The following COL22A1 variants were observed in gnomAD, a reference collection of about 807,000 sequenced individuals.
COL22A1 encodes collagen type XXII alpha 1 chain, also known as collagen alpha-1(XXII) chain.
In COL22A1, 221 loss-of-function variants were observed where a neutral mutation model predicts 248.9. The ratio of observed to expected loss-of-function variants is 0.89; its 90% CI spans 0.80 to 0.99. The LOEUF (loss-of-function observed/expected upper bound fraction) is 0.99, where lower values mean the gene tolerates loss of function less well. COL22A1 is among the 50% of genes least tolerant of loss of function. The pLI is 0.00. For missense variants in COL22A1, 2,240 were observed against 2,179.0 expected (o/e 1.03, Z -0.56); for synonymous variants, 891 against 793.4 (o/e 1.12, Z -2.07).
At chr8:138,604,590 A>G in intron 59 of COL22A1, 144 bp downstream of exon 59, 1 of 721,232 alleles carries the variant, frequency 1.4e-6, no homozygotes, top group East Asian at 2.7e-5. Flanking sequence ...CCAGGTGTTC[A>G]AAAGGCATTA....
intron 22 of COL22A1, among the ~76,000 whole-genome samples, chr8:138,750,428 T>C (rs1217615703): frequency 3.3e-5 from 5 of 152,288 alleles, no homozygotes; most frequent in African/African-American, 1.2e-4. Context: ...GAGTCGGCGC[T>C]GAATGAGAAG....
rs183853351 is a variant in COL22A1, at chr8:138,727,930, G to T, written c.2140-2490C>A. ...CTGAGCCTTACTACCTCCACAGACTGCTCCAGCTTGGCCCCTCACTTCTCT... is the reference window on the plus strand; with the variant it reads ...CTGAGCCTTACTACCTCCACAGACTTCTCCAGCTTGGCCCCTCACTTCTCT... On this transcript the variant is annotated intron_variant, in intron 23 of 64. Transcript: ENST00000303045. Among the ~76,000 whole-genome samples, 4 of 152,286 alleles carry T rather than the reference G, an allele frequency of 2.6e-5. No individual in the cohort carries two copies. In the East Asian group the frequency reaches 7.7e-4, roughly 29 times the overall value.
In COL22A1 at chr8:138,821,347, TC is replaced by T; in HGVS notation, c.1033del (p.Asp345MetfsTer25). 3 of 1,614,138 alleles carry T rather than the reference TC, an allele frequency of 1.9e-6. No homozygotes were observed. Among genetic ancestry groups the T allele is most frequent in the Non-Finnish European group, 2.5e-6 (3 of 1,180,024 alleles). Reference protein sequence around the residue: ...VEYNAVGAMKDAVRVVFRGSR... With the variant: ...VEYNAVGAMKXAVRVVFRGSR... ...ACCTCGGAAGACCACCCTGACAGCA[TC>T]TTTCATGGCACCCACAGCGTTGTAC... On this transcript the variant is annotated frameshift_variant, in exon 7 of 65. Transcript: ENST00000303045. LOFTEE classifies it high-confidence loss of function.
At chr8:138,877,066 G>C (rs1261908118) in intron 3 of COL22A1, among the ~76,000 whole-genome samples, 5 of 152,118 alleles carry the variant, frequency 3.3e-5, no homozygotes, top group African/African-American at 1.2e-4. Context: ...CTGGAGGTCA[G>C]GCTTCCAGGT....
chr8:138,648,013 A>G (rs1278243901), intron 46 of COL22A1, among the ~76,000 whole-genome samples: 1 of 152,228 alleles, frequency 6.6e-6, no homozygotes, highest in East Asian at 1.9e-4. Flanking sequence ...AATTAAGGCA[A>G]TGGGAAAGAC....
At chr8:138,594,784 G>A (rs1024965810) in intron 62 of COL22A1, among the ~76,000 whole-genome samples, 2 of 152,178 alleles carry the variant, frequency 1.3e-5, no homozygotes, top group African/African-American at 4.8e-5. Flanking sequence ...GTCAGTTGGG[G>A]AAACTGATGC....
chr8:138,783,387 C>A (rs35102924), intron 12 of COL22A1, among the ~76,000 whole-genome samples: 48,102 of 151,810 alleles, frequency 0.32, 8,485 homozygotes, highest in African/African-American at 0.47. Context: ...CAAGGAGAGC[C>A]AGTCCAGGTT....
At chr8:138,896,247 TA>T (rs543361968) in intron 1 of COL22A1, among the ~76,000 whole-genome samples, 1,595 of 151,978 alleles carry the variant, frequency 0.01, 11 homozygotes, top group Middle Eastern at 0.017. Flanking sequence ...CATGAGTTTT[TA>T]AAAAAAAATT....
At chr8:138,620,626 T>C (rs565552522) in intron 52 of COL22A1, 15 of 152,286 alleles carry the variant, frequency 9.8e-5, no homozygotes, top group African/African-American at 3.6e-4. Context: ...TGGCCATCAC[T>C]GGCCCAAGGC....
intron 55 of COL22A1, 29 bp downstream of exon 55, chr8:138,615,972 C>A: frequency 6.3e-7 from 1 of 1,593,566 alleles, no homozygotes; most frequent in Non-Finnish European, 8.6e-7. Flanking sequence ...CAGCCCCAGC[C>A]CAGCCAGGTC....
intron 7 of COL22A1, 62 bp from the exon 8 acceptor site, chr8:138,813,081 T>A: frequency 2.3e-6 from 3 of 1,325,416 alleles, no homozygotes; most frequent in Non-Finnish European, 3.3e-6. Context: ...GAAACCTCCG[T>A]GGTTTCACAC....
intron 3 of COL22A1, among the ~76,000 whole-genome samples, chr8:138,870,305 G>A (rs1823225968): frequency 1.3e-5 from 2 of 151,836 alleles, no homozygotes; most frequent in African/African-American, 4.8e-5. Flanking sequence ...TGTATGTGGT[G>A]TATGGTGTGT....
At chr8:138,884,748 C>T (rs1824515118) in intron 1 of COL22A1, among the ~76,000 whole-genome samples, 1 of 152,064 alleles carries the variant, frequency 6.6e-6, no homozygotes, top group African/African-American at 2.4e-5. Flanking sequence ...GAGGGGTTAG[C>T]CAAACATAAA....
chr8:138,624,791 A>C (rs1277482098), intron 51 of COL22A1, among the ~76,000 whole-genome samples: 1 of 152,192 alleles, frequency 6.6e-6, no homozygotes, highest in African/African-American at 2.4e-5. Context: ...ACTGTCAGTG[A>C]TGCCCAGGAA....
intron 22 of COL22A1, among the ~76,000 whole-genome samples, chr8:138,747,780 G>C (rs2131322134): frequency 6.6e-6 from 1 of 152,292 alleles, no homozygotes; most frequent in Non-Finnish European, 1.5e-5. Flanking sequence ...AGAAATGTTT[G>C]TTGAATGGAT....
intron 37 of COL22A1, among the ~76,000 whole-genome samples, chr8:138,686,589 C>T (rs1011847861): frequency 1.2e-4 from 19 of 152,334 alleles, no homozygotes; most frequent in Admixed American, 3.3e-4. Context: ...CTGTGATGTC[C>T]GGGATTTTTA....
chr8:138,662,331 C>G (rs922813285), intron 42 of COL22A1, among the ~76,000 whole-genome samples: 2 of 152,092 alleles, frequency 1.3e-5, no homozygotes, highest in Non-Finnish European at 2.9e-5. Context: ...ACTTGGACCC[C>G]ATTTGTATAG....
chr8:138,805,990 GA>G (rs1817585861), intron 10 of COL22A1, among the ~76,000 whole-genome samples: 2 of 87,514 alleles, frequency 2.3e-5, no homozygotes, highest in African/African-American at 4.1e-5. Flanking sequence ...GATTGTGTGT[GA>G]TGGTGTGTGT....
chr8:138,761,087 A>T (rs113864368), intron 17 of COL22A1, among the ~76,000 whole-genome samples: 1 of 152,284 alleles, frequency 6.6e-6, no homozygotes, highest in African/African-American at 2.4e-5. Flanking sequence ...CTGTACTCTG[A>T]ACAGCAAAGA....
Sources: gnomAD v4.1 joint callset for allele counts (sites outside exome capture counted in the v4.1 genomes callset) on GRCh38, gnomAD v4.1.1 for gene constraint, MANE v1.5 for transcripts, NCBI Gene and HGNC (gene_info 2026-07-23, HGNC 2026-07-21) for gene names.